The following CAPN8 variants were observed in gnomAD, a reference collection of about 807,000 sequenced individuals.
CAPN8 encodes the protein calpain 8.
Under a neutral mutation model 80.9 loss-of-function variants are expected in CAPN8, and 87 were observed. That is an observed-to-expected ratio of 1.07 (90% CI 0.90 to 1.28). The LOEUF (loss-of-function observed/expected upper bound fraction) is 1.28. Ranked by LOEUF, CAPN8 falls within the 50% of genes most tolerant of loss-of-function variation. The pLI, the probability that CAPN8 is intolerant of heterozygous loss-of-function variation, is 0.00. For missense variants in CAPN8, 757 were observed against 702.0 expected (o/e 1.08, Z -0.89); for synonymous variants, 299 against 273.8 (o/e 1.09, Z -0.91).
intron 3 of CAPN8, 80 bp from the exon 4 acceptor site, chr1:223,628,222 G>C: frequency 7.0e-7 from 1 of 1,436,364 alleles, no homozygotes; most frequent in South Asian, 1.4e-5. Flanking sequence ...CCTCACGTGG[G>C]GACTCTGTGC....
chr1:223,642,859 C>T (rs746462658), intron 2 of CAPN8: 16 of 455,512 alleles, frequency 3.5e-5, no homozygotes, highest in South Asian at 2.5e-4. Context: ...GAATAAGACT[C>T]AATGGCATGA....
rs74676475 is a variant in CAPN8, at chr1:223,632,388, G to A, written c.308-3608C>T. ...CATAGGTTTTGTTTTGTTTTGTTTT[G>A]TTTTGAGACAAGGTCTCGCTCTGTT... is the stretch of plus-strand genomic sequence containing the variant. On this transcript the variant is annotated intron_variant, in intron 2 of 20. Coordinates refer to ENST00000366872, the MANE Select transcript of CAPN8 (RefSeq NM_001143962.2). Among the ~76,000 whole-genome samples, 587 of 152,268 alleles carry A rather than the reference G, an allele frequency of 3.9e-3. 21 individuals are homozygous for A. The East Asian group carries it at 0.082, about 21-fold the overall frequency.
At chr1:223,549,831 T>C (rs1572222468) in intron 15 of CAPN8, among the ~76,000 whole-genome samples, 1 of 152,198 alleles carries the variant, frequency 6.6e-6, no homozygotes, top group African/African-American at 2.4e-5. Context: ...TATGGCTAGG[T>C]ATTGTTATAA....
chr1:223,619,283 T>C lies in CAPN8; in HGVS notation c.1135+10A>G. ...GGAGGAGGTTGGGCCAAGGCAGCCC[T>C]TCACCTTACCTGGGTAGTTCTGGCA... On this transcript the variant is annotated intron_variant, in intron 9 of 20. Coordinates refer to ENST00000366872, the MANE Select transcript of CAPN8 (RefSeq NM_001143962.2). The C allele has an allele frequency of 6.4e-7, 1 of 1,551,502 alleles. No individual in the cohort carries two copies. Among genetic ancestry groups the C allele is most frequent in the Non-Finnish European group, 8.7e-7 (1 of 1,146,942 alleles).
At position 223,612,276 on chromosome 1, in the gene CAPN8, G is replaced by C. The variant is rs911329511; in HGVS notation, c.1312-19C>G. 4.1e-6 allele frequency: 5 copies of C among 1,234,096 alleles called. No homozygotes were observed. Among genetic ancestry groups the C allele is most frequent in the Middle Eastern group, 2.1e-4 (1 of 4,860 alleles). The allele number at this position is 1,234,096 out of a possible 1,614,324, so 76.4% of individuals were successfully genotyped here. ...TGGGAACCTGTGGGGCAGAAGAAAA[G>C]AGCAGGTCACCTGAGAGCTCCAAGG... On this transcript the variant is annotated intron_variant, in intron 10 of 20. Coordinates refer to ENST00000366872, the MANE Select transcript of CAPN8 (RefSeq NM_001143962.2).
intron 2 of CAPN8, among the ~76,000 whole-genome samples, chr1:223,634,824 T>C (rs1461872480): frequency 2.0e-5 from 3 of 152,158 alleles, no homozygotes; most frequent in Non-Finnish European, 4.4e-5. Context: ...ATATTGGATG[T>C]TAGGATTGCA....
At chr1:223,645,773 T>C (rs938286523) in intron 2 of CAPN8, among the ~76,000 whole-genome samples, 7 of 152,160 alleles carry the variant, frequency 4.6e-5, no homozygotes, top group Non-Finnish European at 1.0e-4. Context: ...TACTGGGTCA[T>C]GAAGCCTGGG....
chr1:223,648,232 A>AGCAAAGTGAAGTTCCGCG (rs1658242830), intron 2 of CAPN8, among the ~76,000 whole-genome samples: 3 of 152,220 alleles, frequency 2.0e-5, no homozygotes, highest in African/African-American at 7.2e-5. Context: ...GCCGCGGAGT[A>AGCAAAGTGAAGTTCCGCG]GAGGAGCCAC....
intron 2 of CAPN8, among the ~76,000 whole-genome samples, chr1:223,646,404 T>TGCCA (rs1238337997): frequency 6.6e-6 from 1 of 152,228 alleles, no homozygotes; most frequent in Admixed American, 6.5e-5. Context: ...CAGATGCTGA[T>TGCCA]GCCAGGGCTT....
intron 16 of CAPN8, among the ~76,000 whole-genome samples, chr1:223,547,388 A>T (rs1232831580): frequency 1.2e-4 from 18 of 152,254 alleles, no homozygotes. Flanking sequence ...ATTTCATTAT[A>T]TGAAATGTCC....
chr1:223,627,901 G>A (rs1657640039), intron 4 of CAPN8, 108 bp downstream of exon 4: 1 of 1,309,136 alleles, frequency 7.6e-7, no homozygotes. Context: ...TGCTGGGAAA[G>A]ACGCCATGAC....
intron 16 of CAPN8, among the ~76,000 whole-genome samples, chr1:223,546,889 G>GTTC (rs1558335192): frequency 9.0e-5 from 1 of 11,166 alleles, no homozygotes; most frequent in African/African-American, 1.9e-4. Flanking sequence ...TTTTGTGGTT[G>GTTC]TTGTTGTTGT....
chr1:223,549,195 A>G, intron 16 of CAPN8, 123 bp downstream of exon 16: 1 of 1,262,872 alleles, frequency 7.9e-7, no homozygotes, highest in Non-Finnish European at 1.1e-6. Context: ...CATATGCTCC[A>G]TGCCTGCTCT....
chr1:223,645,998 G>A (rs982284611), intron 2 of CAPN8, among the ~76,000 whole-genome samples: 2 of 152,116 alleles, frequency 1.3e-5, no homozygotes, highest in African/African-American at 2.4e-5. Flanking sequence ...GTAACTTTAC[G>A]AGGTGACTAT....
At chr1:223,630,689 C>T (rs1021013850) in intron 2 of CAPN8, among the ~76,000 whole-genome samples, 1 of 152,150 alleles carries the variant, frequency 6.6e-6, no homozygotes, top group Admixed American at 6.5e-5. Flanking sequence ...CTTCCTGCCT[C>T]ACTCTCTCAC....
chr1:223,545,821 C>CTTTTTTTTTTTTTTTTTTTTTTTTTTTTT (rs141485616), intron 16 of CAPN8, among the ~76,000 whole-genome samples: 1 of 98,598 alleles, frequency 1.0e-5, no homozygotes, highest in Non-Finnish European at 1.9e-5. Flanking sequence ...CACTCCACAA[C>CTTTTTTTTTTTTTTTTTTTTTTTTTTTTT]TTTTTTTTTT....
chr1:223,617,262 C>T (rs1657218781), intron 9 of CAPN8: 1 of 138,078 alleles, frequency 7.2e-6, no homozygotes, highest in Non-Finnish European at 1.5e-5. Flanking sequence ...CTCAGAATCC[C>T]CACTTCCACT....
Position 223,544,114 on chromosome 1 carries a change from T to G in CAPN8, c.1982A>C (p.Asn661Thr). Reference sequence around the variant, plus strand: ...CATACAAGCCACGAAGCTGTCAAAGTTGATGCCAAGCTTGCTGCACGCATA... The same window carrying G: ...CATACAAGCCACGAAGCTGTCAAAGGTGATGCCAAGCTTGCTGCACGCATA... ...LRYACSKLGI[N>T]FDSFVACMIR... The change falls in exon 19 of 21, where the codon AAC becomes ACC. Residue 661 changes from asparagine (N) to threonine (T), a missense_variant. Coordinates refer to ENST00000366872, the MANE Select transcript of CAPN8 (RefSeq NM_001143962.2). 1.4e-6 allele frequency: 1 copy of G among 718,356 alleles called. No individual in the cohort carries two copies. The highest frequency in any genetic ancestry group is 2.6e-6 in the Non-Finnish European group (1 of 385,100). The allele number at this position is 718,356 out of a possible 1,614,324, so 44.5% of individuals were successfully genotyped here.
At chr1:223,659,932 G>T (rs1484013558) in intron 1 of CAPN8, among the ~76,000 whole-genome samples, 1 of 152,104 alleles carries the variant, frequency 6.6e-6, no homozygotes, top group Non-Finnish European at 1.5e-5. Flanking sequence ...CTGTCCACTT[G>T]TCCGTATGTC....
Sources: allele counts gnomAD v4.1 joint callset (sites outside exome capture counted in the v4.1 genomes callset), GRCh38; gene constraint gnomAD v4.1.1; transcripts MANE v1.5; gene names NCBI Gene and HGNC (gene_info 2026-07-23, HGNC 2026-07-21).